The following NKAIN3 variants were observed in gnomAD, a reference collection of about 807,000 sequenced individuals.
NKAIN3 encodes sodium/potassium-transporting ATPase subunit beta-1-interacting protein 3.
In NKAIN3, 25 loss-of-function variants were observed where a neutral mutation model predicts 30.2. That is an observed-to-expected ratio of 0.83 (90% CI 0.60 to 1.16). The LOEUF (loss-of-function observed/expected upper bound fraction) is 1.16, where lower values mean the gene tolerates loss of function less well. Ranked by LOEUF, NKAIN3 falls within the 50% of genes most tolerant of loss-of-function variation. The pLI is 0.00. For missense variants in NKAIN3, 225 were observed against 254.1 expected, an observed-to-expected ratio of 0.89 and a Z score of 0.78; for synonymous variants, 91 against 89.6, an observed-to-expected ratio of 1.02 and a Z score of -0.09.
chr8:62,935,697 C>T (rs1202917180), intron 5 of NKAIN3, among the ~76,000 whole-genome samples: 1 of 151,980 alleles, frequency 6.6e-6, no homozygotes, highest in Non-Finnish European at 1.5e-5. Flanking sequence ...CTAGAATATT[C>T]ATATTTAAAT....
At chr8:62,323,529 G>A (rs116174813) in intron 1 of NKAIN3, among the ~76,000 whole-genome samples, 2,234 of 152,268 alleles carry the variant, frequency 0.015, 66 homozygotes, top group African/African-American at 0.051. Flanking sequence ...AGGTGTCCTC[G>A]CAGAAGTATT....
intron 5 of NKAIN3, among the ~76,000 whole-genome samples, chr8:62,932,541 C>T (rs1423149367): frequency 3.9e-5 from 6 of 152,144 alleles, no homozygotes; most frequent in Non-Finnish European, 8.8e-5. Flanking sequence ...GGAAAATAAG[C>T]TATAATAGCA....
chr8:62,572,689 A>T (rs940507784), intron 1 of NKAIN3, among the ~76,000 whole-genome samples: 3 of 152,144 alleles, frequency 2.0e-5, no homozygotes, highest in African/African-American at 7.2e-5. Flanking sequence ...GTGGGAGACA[A>T]GGGAAGAGAG....
At chr8:62,915,626 C>A (rs1051006729) in intron 4 of NKAIN3, among the ~76,000 whole-genome samples, 1 of 152,094 alleles carries the variant, frequency 6.6e-6, no homozygotes, top group Non-Finnish European at 1.5e-5. Flanking sequence ...CAAGAGAGTT[C>A]TTGATTTACA....
chr8:62,786,133 G>A (rs1272823758), intron 4 of NKAIN3, among the ~76,000 whole-genome samples: 2 of 152,050 alleles, frequency 1.3e-5, no homozygotes, highest in African/African-American at 4.8e-5. Flanking sequence ...CAGCAAAGGA[G>A]TTTTAGTCCC....
rs1809332693 is a variant in NKAIN3, at chr8:62,554,808, C to T, written c.55-24731C>T. On this transcript the variant is annotated intron_variant, in intron 1 of 6. Transcript: ENST00000623646. The stretch of plus-strand genomic sequence containing the variant: ...ACTTACTCATCCTACATAACTGCCA[C>T]TTTGAACCCTTTGACTTATATCTCC... 2.0e-5 allele frequency among the ~76,000 whole-genome samples: 3 copies of T among 152,146 alleles called. No individual in the cohort carries two copies. In the South Asian group the frequency reaches 6.2e-4, roughly 31 times the overall value.
At chr8:62,931,142 T>G (rs527397039) in intron 5 of NKAIN3, among the ~76,000 whole-genome samples, 111 of 152,310 alleles carry the variant, frequency 7.3e-4, no homozygotes, top group African/African-American at 2.5e-3. Flanking sequence ...CCTTCATATA[T>G]TTGTCCCAAT....
intron 3 of NKAIN3, among the ~76,000 whole-genome samples, chr8:62,664,493 C>T (rs964132571): frequency 1.3e-5 from 2 of 152,104 alleles, no homozygotes; most frequent in African/African-American, 4.8e-5. Context: ...TATCTGTCCT[C>T]ATTCTCATCA....
chr8:62,886,946 G>A (rs2353386), intron 4 of NKAIN3, among the ~76,000 whole-genome samples: 46,089 of 151,960 alleles, frequency 0.3, 7,702 homozygotes, highest in East Asian at 0.64. Context: ...TTAGTTTGCT[G>A]AGGATGATGG....
intron 1 of NKAIN3, among the ~76,000 whole-genome samples, chr8:62,411,908 G>A (rs1004687065): frequency 1.3e-5 from 2 of 152,114 alleles, no homozygotes; most frequent in Admixed American, 1.3e-4. Context: ...AATCAGAGAT[G>A]ACATAAACAA....
chr8:62,514,848 A>G lies in NKAIN3; in HGVS notation c.55-64691A>G, dbSNP rs538586927. Among the ~76,000 whole-genome samples the G allele has an allele frequency of 2.0e-5, 3 of 152,274 alleles. No homozygotes were observed. The East Asian group carries it at 5.8e-4, about 29-fold the overall frequency. ...CTGAATCGTCAACATTCAAAGTTGC[A>G]GTGGCATCTCACATCTTTGAAAACA... On this transcript the variant is annotated intron_variant, in intron 1 of 6. Transcript: ENST00000623646.
In NKAIN3 at chr8:62,751,753, A is replaced by G. The variant is rs1004913092; in HGVS notation, c.471+4624A>G. 3.0e-4 allele frequency among the ~76,000 whole-genome samples: 45 copies of G among 152,138 alleles called. 1 individual carries two copies. The highest frequency in any genetic ancestry group is 1.1e-3 in the African/African-American group (44 of 41,494). ...ATAGCGAGTATAATATATAGATAGT[A>G]TGTGTTACATATTATAATCATATGT... is the stretch of plus-strand genomic sequence containing the variant. On this transcript the variant is annotated intron_variant, in intron 4 of 6. Coordinates refer to ENST00000623646, the MANE Select transcript of NKAIN3 (RefSeq NM_001304533.3).
chr8:62,653,444 G>A (rs966463473), intron 3 of NKAIN3, among the ~76,000 whole-genome samples: 3 of 152,144 alleles, frequency 2.0e-5, no homozygotes, highest in East Asian at 1.9e-4. Context: ...TTCAGTGTAG[G>A]AGTTTTGGGG....
intron 4 of NKAIN3, among the ~76,000 whole-genome samples, chr8:62,787,820 G>A (rs1009313878): frequency 2.0e-5 from 3 of 151,904 alleles, no homozygotes; most frequent in East Asian, 1.9e-4. Context: ...GAGAATGATG[G>A]TTTCCAGCTT....
intron 1 of NKAIN3, among the ~76,000 whole-genome samples, chr8:62,501,649 A>G (rs1045442146): frequency 1.3e-5 from 2 of 152,168 alleles, no homozygotes; most frequent in South Asian, 4.1e-4. Flanking sequence ...TGTATGACAT[A>G]GGCTTGACCA....
At chr8:62,501,665 C>G (rs189713562) in intron 1 of NKAIN3, among the ~76,000 whole-genome samples, 27 of 152,256 alleles carry the variant, frequency 1.8e-4, no homozygotes, top group Non-Finnish European at 3.2e-4. Context: ...GACCAAACAG[C>G]CTGCAATCTT....
At chr8:62,490,347 G>A (rs575789046) in intron 1 of NKAIN3, among the ~76,000 whole-genome samples, 3 of 152,230 alleles carry the variant, frequency 2.0e-5, no homozygotes, top group South Asian at 2.1e-4. Context: ...AAGTTCAGAC[G>A]GTTTAGCTGG....
intron 4 of NKAIN3, among the ~76,000 whole-genome samples, chr8:62,812,342 A>G (rs1473770754): frequency 6.6e-6 from 1 of 151,894 alleles, no homozygotes; most frequent in Non-Finnish European, 1.5e-5. Flanking sequence ...ATATTTTAGA[A>G]GAAGCTTATT....
chr8:62,249,185 G>A, intron 1 of NKAIN3, 58 bp downstream of exon 1: 1 of 1,407,842 alleles, frequency 7.1e-7, no homozygotes, highest in Non-Finnish European at 9.6e-7. Context: ...ACCGGCCTCT[G>A]CGACTCCCTC....
Sources: allele counts gnomAD v4.1 joint callset (sites outside exome capture counted in the v4.1 genomes callset), GRCh38; gene constraint gnomAD v4.1.1; transcripts MANE v1.5; gene names NCBI Gene and HGNC (gene_info 2026-07-23, HGNC 2026-07-21).